EEIG2: variants seen among roughly 807,000 people sequenced by gnomAD.
EEIG2 encodes the protein EEIG family member 2, also known as family with sequence similarity 102 member B.
chr1:108,582,978 C>G, the EEIG2 span, among the ~76,000 whole-genome samples: 3 of 151,426 alleles, frequency 2.0e-5, no homozygotes, highest in Non-Finnish European at 4.4e-5. Context: ...TTGAACCCCC[C>G]ACACACACTT....
At chr1:108,575,889 C>T in the EEIG2 span, among the ~76,000 whole-genome samples, 14 of 151,974 alleles carry the variant, frequency 9.2e-5, no homozygotes, top group South Asian at 4.1e-4. Context: ...AATTGACTGG[C>T]GATAGTTTCA....
the EEIG2 span, among the ~76,000 whole-genome samples, chr1:108,587,289 A>G: frequency 6.6e-6 from 1 of 152,152 alleles, no homozygotes; most frequent in Non-Finnish European, 1.5e-5. Context: ...ATCACAGAGA[A>G]ATTGAGTGGA....
the EEIG2 span, among the ~76,000 whole-genome samples, chr1:108,610,838 G>A: frequency 1.3e-5 from 2 of 152,266 alleles, no homozygotes; most frequent in African/African-American, 4.8e-5. Context: ...GGAGGCTGAG[G>A]CAGGAGAATG....
chr1:108,569,145 G>C, the EEIG2 span, among the ~76,000 whole-genome samples: 1 of 152,132 alleles, frequency 6.6e-6, no homozygotes, highest in South Asian at 2.1e-4. Context: ...AGGACCAGTG[G>C]GGAGATGTTA....
chr1:108,612,307 C>G, the EEIG2 span: 1 of 1,527,652 alleles, frequency 6.5e-7, no homozygotes, highest in Non-Finnish European at 9.0e-7. Context: ...AAGCACGTTT[C>G]AGGATTTACT....
At chr1:108,573,897 G>A in the EEIG2 span, among the ~76,000 whole-genome samples, 1 of 152,192 alleles carries the variant, frequency 6.6e-6, no homozygotes, top group Admixed American at 6.5e-5. Flanking sequence ...AACAAGTGTT[G>A]GCAATGATGT....
At chr1:108,610,612 T>C in the EEIG2 span, among the ~76,000 whole-genome samples, 1 of 152,184 alleles carries the variant, frequency 6.6e-6, no homozygotes, top group Non-Finnish European at 1.5e-5. Flanking sequence ...AAGCTTTTTC[T>C]GCTGATCTTT....
At chr1:108,600,424 C>T in the EEIG2 span, 1 of 864,244 alleles carries the variant, frequency 1.2e-6, no homozygotes, top group Non-Finnish European at 1.7e-6. Flanking sequence ...TAGGAATTTG[C>T]TTCCTTCCTG....
chr1:108,606,642 A>G, the EEIG2 span, among the ~76,000 whole-genome samples: 2 of 152,248 alleles, frequency 1.3e-5, no homozygotes, highest in East Asian at 3.9e-4. Flanking sequence ...TACTTTTACT[A>G]GCTATGTGGA....
chr1:108,572,102 A>G, the EEIG2 span, among the ~76,000 whole-genome samples: 1 of 152,184 alleles, frequency 6.6e-6, no homozygotes, highest in Admixed American at 6.5e-5. Context: ...CCTGATTGCC[A>G]TGTCTAATCA....
At chr1:108,561,433 G>T in the EEIG2 span, among the ~76,000 whole-genome samples, 1 of 152,106 alleles carries the variant, frequency 6.6e-6, no homozygotes, top group African/African-American at 2.4e-5. Flanking sequence ...GATCAAGAAG[G>T]GTTAAAAGTT....
chr1:108,630,374 A>G, the EEIG2 span, among the ~76,000 whole-genome samples: 8 of 152,164 alleles, frequency 5.3e-5, no homozygotes, highest in African/African-American at 1.9e-4. Context: ...GAATTGAACA[A>G]TGAGAACACA....
the EEIG2 span, chr1:108,625,772 CTCTG>C: frequency 3.9e-3 from 431 of 109,290 alleles, 3 homozygotes; most frequent in African/African-American, 0.015. Flanking sequence ...CTCTCTCTCT[CTCTG>C]TGTGTGTGTG....
the EEIG2 span, among the ~76,000 whole-genome samples, chr1:108,618,203 T>C: frequency 6.6e-6 from 1 of 152,194 alleles, no homozygotes; most frequent in East Asian, 1.9e-4. Context: ...GGACTGTTGC[T>C]AGAACAGCGC....
the EEIG2 span, chr1:108,616,363 TTTC>T: frequency 6.5e-7 from 1 of 1,549,574 alleles, no homozygotes; most frequent in Non-Finnish European, 8.9e-7. Flanking sequence ...AATCGTGATA[TTTC>T]TTGTTTTATA....
At chr1:108,628,945 A>C in the EEIG2 span, 81 of 683,016 alleles carry the variant, frequency 1.2e-4, no homozygotes, top group African/African-American at 1.3e-3. Flanking sequence ...AAAAATATCA[A>C]GATAACTTTA....
the EEIG2 span, chr1:108,600,608 C>T: frequency 6.2e-7 from 1 of 1,611,370 alleles, no homozygotes; most frequent in Non-Finnish European, 8.5e-7. Flanking sequence ...GAAAGAAGTT[C>T]TCATTTATGT....
At chr1:108,590,342 T>C in the EEIG2 span, among the ~76,000 whole-genome samples, 2 of 152,226 alleles carry the variant, frequency 1.3e-5, no homozygotes, top group African/African-American at 4.8e-5. Context: ...TCTGTATCTT[T>C]TAAGAAGTAG....
At chr1:108,599,628 T>C in the EEIG2 span, among the ~76,000 whole-genome samples, 2 of 152,186 alleles carry the variant, frequency 1.3e-5, no homozygotes, top group Non-Finnish European at 2.9e-5. Context: ...ACAGGCCTAG[T>C]TTGAATGCCA....
Sources: allele counts gnomAD v4.1 joint callset (sites outside exome capture counted in the v4.1 genomes callset), GRCh38; gene constraint gnomAD v4.1.1; transcripts MANE v1.5; gene names NCBI Gene and HGNC (gene_info 2026-07-23, HGNC 2026-07-21).